The following DENND4C variants were observed in gnomAD, a reference collection of about 807,000 sequenced individuals.
DENND4C encodes DENN domain containing 4C, also known as DENN domain-containing protein 4C.
In DENND4C, 108 loss-of-function variants were observed where a neutral mutation model predicts 203.0. The observed-to-expected ratio is 0.53, with a 90% CI of 0.46 to 0.62. The LOEUF is 0.62. Among genes scored for constraint, DENND4C ranks in the 20% least tolerant of loss-of-function variants. DENND4C has a pLI of 0.00. For missense variants in DENND4C, 2,481 were observed against 2,301.2 expected (o/e 1.08, Z -1.60); for synonymous variants, 871 against 792.4 (o/e 1.10, Z -1.67).
At chr9:19,247,529 A>G (rs1486119144) in intron 1 of DENND4C, among the ~76,000 whole-genome samples, 1 of 152,056 alleles carries the variant, frequency 6.6e-6, no homozygotes, top group Non-Finnish European at 1.5e-5. Flanking sequence ...CTGAGTAGCT[A>G]GGACTTTAGG....
At chr9:19,294,706 T>G (rs1837070869) in intron 5 of DENND4C, among the ~76,000 whole-genome samples, 1 of 152,226 alleles carries the variant, frequency 6.6e-6, no homozygotes. Context: ...GATTTCTTCC[T>G]TAACAAGGAA....
chr9:19,293,555 A>G (rs1196870815), intron 5 of DENND4C, among the ~76,000 whole-genome samples: 1 of 152,238 alleles, frequency 6.6e-6, no homozygotes, highest in African/African-American at 2.4e-5. Flanking sequence ...GGCAAGATTT[A>G]TAAAACACAG....
intron 5 of DENND4C, chr9:19,292,610 A>T (rs939908015): frequency 1.3e-5 from 2 of 151,444 alleles, no homozygotes; most frequent in Non-Finnish European, 2.9e-5. Context: ...CAATGGCACA[A>T]TCTGGGCTCA....
intron 6 of DENND4C, among the ~76,000 whole-genome samples, chr9:19,296,898 A>G (rs1297560940): frequency 2.0e-5 from 3 of 152,232 alleles, no homozygotes; most frequent in Non-Finnish European, 2.9e-5. Context: ...AAAGTGATGT[A>G]GAAATTAGTC....
At chr9:19,310,018 T>C (rs1414443297) in intron 10 of DENND4C, among the ~76,000 whole-genome samples, 1 of 152,204 alleles carries the variant, frequency 6.6e-6, no homozygotes, top group Non-Finnish European at 1.5e-5. Flanking sequence ...TTTGTTAGAC[T>C]TATTTATTCC....
At position 19,327,949 on chromosome 9, in the gene DENND4C, G is replaced by C; in HGVS notation, c.2121-81G>C. ...AATGTTGGATACTATTTGAAGTTTA[G>C]AAATATTTGCCTAAACGCTGGAATA... On this transcript the variant is annotated intron_variant, in intron 15 of 32. Coordinates refer to ENST00000434457, the MANE Select transcript of DENND4C (RefSeq NM_001330640.2). 4 of 1,330,652 alleles carry C rather than the reference G, an allele frequency of 3.0e-6. 1 individual carries two copies. The South Asian group carries it at 6.0e-5, about 20-fold the overall frequency. The allele number at this position is 1,330,652 out of a possible 1,614,324, so 82.4% of individuals were successfully genotyped here.
rs1588961964 is a variant in DENND4C, at chr9:19,346,187, C to T, written c.3418C>T (p.Leu1140=). 1.9e-6 allele frequency: 3 copies of T among 1,614,178 alleles called. No individual in the cohort carries two copies. Among genetic ancestry groups the T allele is most frequent in the Non-Finnish European group, 2.5e-6 (3 of 1,180,044 alleles). ...AGCATTGACATGTCCTAAGACTTCT[C>T]TACTTCATATTGCAAGAACCCATAG... ...TAALTCPKTS[L]LHIARTHSFE... is the part of the protein sequence containing the mutation. The change falls in exon 23 of 33, where the codon CTA becomes TTA. Residue 1140 remains leucine, a synonymous_variant. Transcript: ENST00000434457.
rs1489409609 is a variant in DENND4C at position 19,336,407 on chromosome 9, A to G, written c.2727A>G (p.Ser909=). 7 of 1,612,292 alleles carry G rather than the reference A, an allele frequency of 4.3e-6. No individual in the cohort carries two copies. The highest frequency in any genetic ancestry group is 4.0e-5 in the African/African-American group (3 of 74,804). The change falls in exon 19 of 33, where the codon TCA becomes TCG. Residue 909 remains serine (S), a synonymous_variant. Transcript: ENST00000434457. ...KKTVQRSQVS[S]ISALQNVTGG... Reference sequence around the variant, plus strand: ...CTGTGCAAAGGTCACAGGTCTCCTCAATATCAGGTAATACATGTGATTAGA... The same window carrying G: ...CTGTGCAAAGGTCACAGGTCTCCTCGATATCAGGTAATACATGTGATTAGA...
rs181941048 is a variant in DENND4C, at chr9:19,294,938, T to G, written c.802-1070T>G. On this transcript the variant is annotated intron_variant, in intron 5 of 32. Coordinates refer to ENST00000434457, the MANE Select transcript of DENND4C (RefSeq NM_001330640.2). Reference sequence around the variant, plus strand: ...ATTTAAGGGTTACAGAGCTTTTGTTTGGGGTAATGAAAAAAGTTCTGGAAA... The same window carrying G: ...ATTTAAGGGTTACAGAGCTTTTGTTGGGGGTAATGAAAAAAGTTCTGGAAA... Among the ~76,000 whole-genome samples the G allele has an allele frequency of 1.8e-3, 275 of 152,316 alleles. 2 individuals carry two copies. Among genetic ancestry groups the G allele is most frequent in the Non-Finnish European group, 1.8e-3 (121 of 68,022 alleles).
At chr9:19,299,354 G>A (rs1484769786) in intron 8 of DENND4C, 67 bp downstream of exon 8, 1 of 1,091,158 alleles carries the variant, frequency 9.2e-7, no homozygotes, top group Non-Finnish European at 1.3e-6. Context: ...ATATTTTAGT[G>A]ATTAGTATAT....
At chr9:19,326,223 G>T in intron 15 of DENND4C, 29 bp downstream of exon 15, 2 of 1,583,852 alleles carry the variant, frequency 1.3e-6, no homozygotes, top group South Asian at 2.4e-5. Context: ...AGAGCTTAAT[G>T]GCACAGCCTA....
At chr9:19,264,047 C>G (rs1009721004) in intron 1 of DENND4C, among the ~76,000 whole-genome samples, 11 of 152,240 alleles carry the variant, frequency 7.2e-5, no homozygotes, top group Admixed American at 3.3e-4. Flanking sequence ...ATTCTGTTCA[C>G]TGTTTTTCAG....
rs35052178 is a variant in DENND4C at position 19,332,765 on chromosome 9, A to ATT, written c.2460+600_2460+601dup. On this transcript the variant is annotated intron_variant, in intron 17 of 32. Transcript: ENST00000434457. Reference sequence around the variant, plus strand: ...CTGGCATATGGTTTTTCTGTTTTTGATTTTTTTTTTTTTTTTTTTTAAGGG... The same window carrying ATT: ...CTGGCATATGGTTTTTCTGTTTTTGATTTTTTTTTTTTTTTTTTTTTTAAGGG... Among the ~76,000 whole-genome samples the ATT allele has an allele frequency of 7.5e-3, 830 of 110,452 alleles. 12 individuals carry two copies. Among genetic ancestry groups the ATT allele is most frequent in the African/African-American group, 0.024 (723 of 29,994 alleles). 72.5% of individuals were successfully genotyped at this position (110,452 alleles called of 152,430 possible).
chr9:19,319,094 G>A (rs553916145), intron 12 of DENND4C, among the ~76,000 whole-genome samples: 6 of 151,166 alleles, frequency 4.0e-5, no homozygotes, highest in African/African-American at 1.5e-4. Flanking sequence ...GCTTCATCCC[G>A]CGAGGCAGAA....
rs55934794 is a variant in DENND4C at position 19,282,559 on chromosome 9, T to TAAA, written c.306-4196_306-4194dup. 7.0e-4 allele frequency among the ~76,000 whole-genome samples: 96 copies of TAAA among 137,186 alleles called. 4 individuals are homozygous for TAAA. In the South Asian group the frequency reaches 0.011, roughly 16 times the overall value. The allele number at this position is 137,186 out of a possible 152,430, so 90.0% of individuals were successfully genotyped here. ...ATGTGCCACCACGCCTGGCAAAAAT[T>TAAA]AAAAAAAAAAAAAAAATAATGGGGT... On this transcript the variant is annotated intron_variant, in intron 2 of 32. Coordinates refer to ENST00000434457, the MANE Select transcript of DENND4C (RefSeq NM_001330640.2).
In DENND4C at chr9:19,358,194, C is replaced by A; in HGVS notation, c.5160+34C>A. ...CAACAACAACATTGTAATTATACTG[C>A]ATACACACCTAAGTATATAGTAGAA... On this transcript the variant is annotated intron_variant, in intron 28 of 32. Coordinates refer to ENST00000434457, the MANE Select transcript of DENND4C (RefSeq NM_001330640.2). The surrounding 1 kb of genome is among the most constrained non-coding windows in gnomAD (Gnocchi z 4.8). 1 of 1,530,320 alleles carries A rather than the reference C, an allele frequency of 6.5e-7. No homozygotes were observed. Among genetic ancestry groups the A allele is most frequent in the Non-Finnish European group, 9.0e-7 (1 of 1,108,188 alleles). 94.8% of individuals were successfully genotyped at this position (1,530,320 alleles called of 1,614,324 possible).
Position 19,334,881 on chromosome 9 carries a change from G to T in DENND4C, c.2461-96G>T, listed in dbSNP as rs570801070. 2.4e-6 allele frequency: 3 copies of T among 1,245,106 alleles called. No homozygotes were observed. The African/African-American group carries it at 4.6e-5, about 19-fold the overall frequency. 77.1% of individuals were successfully genotyped at this position (1,245,106 alleles called of 1,614,324 possible). A position where few individuals can be genotyped will look rare whatever the true frequency, so the allele number is the denominator to read the frequency against. ...AAAGCAGAACAAAGGAGAAAATACTGCTTAATAACTTCATGGAAAGAATTC... is the reference window on the plus strand; with the variant it reads ...AAAGCAGAACAAAGGAGAAAATACTTCTTAATAACTTCATGGAAAGAATTC... On this transcript the variant is annotated intron_variant, in intron 17 of 32. Coordinates refer to ENST00000434457, the MANE Select transcript of DENND4C (RefSeq NM_001330640.2).
chr9:19,339,218 C>T (rs1171076954), intron 20 of DENND4C, among the ~76,000 whole-genome samples: 1 of 152,114 alleles, frequency 6.6e-6, no homozygotes, highest in Admixed American at 6.6e-5. Context: ...GGCATTTTCT[C>T]TTGTATATAA....
At chr9:19,260,308 G>C (rs1459910751) in intron 1 of DENND4C, among the ~76,000 whole-genome samples, 1 of 151,728 alleles carries the variant, frequency 6.6e-6, no homozygotes, top group African/African-American at 2.4e-5. Flanking sequence ...TATTTTGCCT[G>C]TTTTTAAAAC....
Sources: gnomAD v4.1 joint callset for allele counts (sites outside exome capture counted in the v4.1 genomes callset) on GRCh38, gnomAD v4.1.1 for gene constraint, Gnocchi (gnomAD v3.1) non-coding constraint, MANE v1.5 for transcripts, NCBI Gene and HGNC (gene_info 2026-07-23, HGNC 2026-07-21) for gene names.